The following HLTF variants were observed in gnomAD, a reference collection of about 807,000 sequenced individuals.
The protein encoded by HLTF is helicase like transcription factor.
A neutral mutation model predicts 129.4 loss-of-function variants in HLTF; 127 were observed. That is an observed-to-expected ratio of 0.98 (90% confidence interval 0.85 to 1.14). The LOEUF (loss-of-function observed/expected upper bound fraction) is 1.14. HLTF is among the 50% of genes most tolerant of loss of function. HLTF has a pLI of 0.00. For missense variants in HLTF, 1,139 were observed against 1,187.1 expected (o/e 0.96, Z 0.60); for synonymous variants, 332 against 388.8 (o/e 0.85, Z 1.72).
intron 4 of HLTF, 116 bp downstream of exon 4, chr3:149,074,099 T>G (rs1719117451): frequency 2.1e-6 from 2 of 972,690 alleles, no homozygotes; most frequent in Non-Finnish European, 2.9e-6. Context: ...TGAAAAAAAG[T>G]TGTACCTTGG....
chr3:149,062,145 A>G (rs1718006091), intron 10 of HLTF, among the ~76,000 whole-genome samples: 1 of 152,232 alleles, frequency 6.6e-6, no homozygotes, highest in Non-Finnish European at 1.5e-5. Context: ...TAATCCTCAT[A>G]GAATAAAATG....
At chr3:149,033,491 G>C (rs1199105337) in intron 24 of HLTF, among the ~76,000 whole-genome samples, 1 of 151,926 alleles carries the variant, frequency 6.6e-6, no homozygotes, top group Non-Finnish European at 1.5e-5. Context: ...TACCCTATCA[G>C]GTATCAAAAC....
chr3:149,065,609 C>T (rs1718305542), intron 8 of HLTF, among the ~76,000 whole-genome samples: 1 of 152,160 alleles, frequency 6.6e-6, no homozygotes, highest in Non-Finnish European at 1.5e-5. Context: ...GCGGGCGGAT[C>T]ACCTAAGATC....
chr3:149,032,457 CT>C lies in HLTF; in HGVS notation c.2878-86del, dbSNP rs1413698073. The C allele has an allele frequency of 9.4e-6, 8 of 854,988 alleles. No individual in the cohort carries two copies. The East Asian group carries it at 2.4e-4, about 25-fold the overall frequency. 53.0% of individuals were successfully genotyped at this position (854,988 alleles called of 1,614,324 possible). ...TAAAAAAACTAAATGAAAGATTTGC[CT>C]AATGGCAAAAACCGCAATTACTTTT... On this transcript the variant is annotated intron_variant, in intron 24 of 24. Coordinates refer to ENST00000310053, the MANE Select transcript of HLTF (RefSeq NM_003071.4).
At chr3:149,054,769 A>G (rs1391035217) in intron 14 of HLTF, among the ~76,000 whole-genome samples, 1 of 152,196 alleles carries the variant, frequency 6.6e-6, no homozygotes, top group Non-Finnish European at 1.5e-5. Context: ...TACAAGATCC[A>G]TCATTTATTA....
chr3:149,055,284 A>G lies in HLTF; in HGVS notation c.1473+19T>C, dbSNP rs1167629060. The stretch of plus-strand genomic sequence containing the variant: ...AAAATATAAATTATGTTACATTTTT[A>G]AAGGGCTTAAAGACTTACAATCCAG... On this transcript the variant is annotated intron_variant, in intron 14 of 24. Transcript: ENST00000310053. 3 of 1,530,514 alleles carry G rather than the reference A, an allele frequency of 2.0e-6. No individual in the cohort carries two copies. Among genetic ancestry groups the G allele is most frequent in the African/African-American group, 2.7e-5 (2 of 73,222 alleles). The allele number at this position is 1,530,514 out of a possible 1,614,324, so 94.8% of individuals were successfully genotyped here.
intron 15 of HLTF, 120 bp downstream of exon 15, chr3:149,050,112 G>A (rs139827753): frequency 2.5e-5 from 12 of 478,504 alleles, no homozygotes; most frequent in African/African-American, 2.2e-4. Context: ...TCTATATATC[G>A]TTAAGTATCT....
intron 4 of HLTF, among the ~76,000 whole-genome samples, chr3:149,073,750 C>G (rs1029126384): frequency 2.5e-4 from 38 of 152,096 alleles, no homozygotes; most frequent in African/African-American, 9.2e-4. Flanking sequence ...GCATTAAAAG[C>G]CTTGTATTTT....
chr3:149,032,552 A>G (rs1306556554), intron 24 of HLTF, among the ~76,000 whole-genome samples, 180 bp from the exon 25 acceptor site: 1 of 152,248 alleles, frequency 6.6e-6, no homozygotes, highest in Non-Finnish European at 1.5e-5. Context: ...GTTTTCTTAT[A>G]TAAAGAATAT....
In HLTF at chr3:149,042,659, T is replaced by C. The variant is rs932048339; in HGVS notation, c.2073-369A>G. On this transcript the variant is annotated intron_variant, in intron 18 of 24. Transcript: ENST00000310053. ...GCATGCTTGGTGACTTGAGCTTCCATGGAGAAATTTATATCAAAAAAAGAG... is the reference window on the plus strand; with the variant it reads ...GCATGCTTGGTGACTTGAGCTTCCACGGAGAAATTTATATCAAAAAAAGAG... Among the ~76,000 whole-genome samples, 12 of 152,082 alleles carry C rather than the reference T, an allele frequency of 7.9e-5. No homozygotes were observed. The East Asian group carries it at 2.1e-3, about 27-fold the overall frequency.
chr3:149,057,107 C>CA (rs56809507), intron 13 of HLTF, among the ~76,000 whole-genome samples: 425 of 27,726 alleles, frequency 0.015, 55 homozygotes, highest in Middle Eastern at 0.036. Flanking sequence ...GACTCCGTCT[C>CA]AAAAAAAAAA....
chr3:149,032,212 C>A lies in HLTF; in HGVS notation c.*8G>T. 1 of 1,554,564 alleles carries A rather than the reference C, an allele frequency of 6.4e-7. No individual in the cohort carries two copies. The stretch of plus-strand genomic sequence containing the variant: ...CCAATCAAACTGACCTTACTAAAAT[C>A]CCACAAATTATAAGTCAATTAATGT... On this transcript the variant is annotated 3_prime_UTR_variant, in exon 25 of 25. Coordinates refer to ENST00000310053, the MANE Select transcript of HLTF (RefSeq NM_003071.4).
intron 24 of HLTF, among the ~76,000 whole-genome samples, chr3:149,033,166 A>C (rs1715278867): frequency 1.3e-5 from 2 of 152,088 alleles, no homozygotes; most frequent in South Asian, 4.2e-4. Context: ...AACAAAACAG[A>C]AACAAGTCAA....
chr3:149,061,563 C>G (rs1052262477), intron 10 of HLTF, among the ~76,000 whole-genome samples: 1 of 151,762 alleles, frequency 6.6e-6, no homozygotes, highest in Non-Finnish European at 1.5e-5. Context: ...TGGCCAGGCA[C>G]GGTGGCTCAT....
intron 8 of HLTF, among the ~76,000 whole-genome samples, chr3:149,067,071 G>C (rs972337936): frequency 6.6e-6 from 1 of 151,762 alleles, no homozygotes; most frequent in Non-Finnish European, 1.5e-5. Context: ...GAATTTTCAG[G>C]TAAGAAAAGA....
intron 13 of HLTF, among the ~76,000 whole-genome samples, chr3:149,056,303 C>T (rs1413308982): frequency 6.6e-6 from 1 of 152,128 alleles, no homozygotes; most frequent in Non-Finnish European, 1.5e-5. Flanking sequence ...ATTCTTAATA[C>T]TTTTCTGTGG....
In HLTF at chr3:149,072,873, C is replaced by T. The variant is rs1483178120; in HGVS notation, c.627+352G>A. ...ATTTGGAGTTAAATCTTTAGCACTG[C>T]ATTTGCAAAATTACTGAAAGGAGTT... On this transcript the variant is annotated intron_variant, in intron 5 of 24. Coordinates refer to ENST00000310053, the MANE Select transcript of HLTF (RefSeq NM_003071.4). 2.6e-5 allele frequency among the ~76,000 whole-genome samples: 4 copies of T among 152,098 alleles called. No individual in the cohort carries two copies. The East Asian group carries it at 7.7e-4, about 29-fold the overall frequency.
rs1455575337 is a variant in HLTF, at chr3:149,031,895, C to T, written c.*325G>A. The T allele has an allele frequency of 2.4e-5, 4 of 166,712 alleles. No homozygotes were observed. The Admixed American group carries it at 2.5e-4, about 11-fold the overall frequency. The allele number at this position is 166,712 out of a possible 1,614,324, so 10.3% of individuals were successfully genotyped here. ...TGGTCAAAAGTATAAAAGGTCTGAC[C>T]TTATTTGAAATACGAAAAAGCTGAG... On this transcript the variant is annotated 3_prime_UTR_variant, in exon 25 of 25. Coordinates refer to ENST00000310053, the MANE Select transcript of HLTF (RefSeq NM_003071.4).
intron 16 of HLTF, 61 bp from the exon 17 acceptor site, chr3:149,048,224 T>C (rs957908150): frequency 1.4e-6 from 2 of 1,395,088 alleles, no homozygotes; most frequent in Admixed American, 2.2e-5. Context: ...GAGTATCTAT[T>C]TGGCCCAATC....
Sources: gnomAD v4.1 joint callset for allele counts (sites outside exome capture counted in the v4.1 genomes callset) on GRCh38, gnomAD v4.1.1 for gene constraint, MANE v1.5 for transcripts, NCBI Gene and HGNC (gene_info 2026-07-23, HGNC 2026-07-21) for gene names.